The following MAST4 variants were observed in gnomAD, a reference collection of about 807,000 sequenced individuals.
MAST4 encodes the protein microtubule associated serine/threonine kinase family member 4.
Under a neutral mutation model 162.7 loss-of-function variants are expected in MAST4, and 89 were observed. That is an observed-to-expected ratio of 0.55 (90% CI 0.46 to 0.65). The LOEUF (loss-of-function observed/expected upper bound fraction) is 0.65. Among genes scored for constraint, MAST4 ranks in the 30% least tolerant of loss-of-function variants. The pLI is 0.00. For missense variants in MAST4, 3,153 were observed against 3,374.0 expected, an observed-to-expected ratio of 0.93 and a Z score of 1.62; for synonymous variants, 1,479 against 1,361.1, an observed-to-expected ratio of 1.09 and a Z score of -1.91.
chr5:66,617,749 G>A (rs745495274), intron 1 of MAST4, among the ~76,000 whole-genome samples: 1 of 152,040 alleles, frequency 6.6e-6, no homozygotes, highest in Non-Finnish European at 1.5e-5. Context: ...CCACCCCTCC[G>A]CATGGTACCC....
rs562503050 is a variant in MAST4, at chr5:66,611,784, A to AG, written c.363+14767dup. On this transcript the variant is annotated intron_variant, in intron 1 of 28. Coordinates refer to ENST00000403625, the MANE Select transcript of MAST4 (RefSeq NM_001164664.2). The stretch of plus-strand genomic sequence containing the variant: ...GAATTGTTAAAATACTGTTACCTGC[A>AG]GTTTTTAGAAATTTATTTTGACATT... 3.3e-5 allele frequency among the ~76,000 whole-genome samples: 5 copies of AG among 152,348 alleles called. No homozygotes were observed. The South Asian group carries it at 1.0e-3, about 32-fold the overall frequency.
In MAST4 at chr5:67,152,631, T is replaced by C. The variant is rs1771973009; in HGVS notation, c.3296-6T>C. The C allele has an allele frequency of 6.2e-7, 1 of 1,612,578 alleles. No individual in the cohort carries two copies. Among genetic ancestry groups the C allele is most frequent in the Non-Finnish European group, 8.5e-7 (1 of 1,178,700 alleles). Reference sequence around the variant, plus strand: ...TGGGCTTTGATGACTGGCTTCTTTGTTACAGATATGTTTGCTGTTTCCCCT... The same window carrying C: ...TGGGCTTTGATGACTGGCTTCTTTGCTACAGATATGTTTGCTGTTTCCCCT... On this transcript the variant is annotated splice_polypyrimidine_tract_variant and splice_region_variant and intron_variant, in intron 24 of 28. Coordinates refer to ENST00000403625, the MANE Select transcript of MAST4 (RefSeq NM_001164664.2).
intron 4 of MAST4, among the ~76,000 whole-genome samples, chr5:66,934,606 G>A (rs960772784): frequency 6.6e-6 from 1 of 151,924 alleles, no homozygotes; most frequent in Non-Finnish European, 1.5e-5. Context: ...GCAGTTTGAG[G>A]AAGACTGGCA....
intron 4 of MAST4, among the ~76,000 whole-genome samples, chr5:66,950,545 C>T (rs369736010): frequency 6.6e-5 from 10 of 152,202 alleles, no homozygotes; most frequent in African/African-American, 2.4e-4. Context: ...AATATTTGTC[C>T]TTTTGTGTCT....
At chr5:66,766,945 A>C (rs1754122328) in intron 2 of MAST4, among the ~76,000 whole-genome samples, 1 of 152,186 alleles carries the variant, frequency 6.6e-6, no homozygotes, top group Non-Finnish European at 1.5e-5. Flanking sequence ...GTTTGGGTTC[A>C]TAGGCAACTT....
In MAST4 at chr5:66,855,100, G is replaced by A. The variant is rs114833490; in HGVS notation, c.643-44851G>A. Among the ~76,000 whole-genome samples the A allele has an allele frequency of 8.1e-3, 1,231 of 152,246 alleles. 21 individuals carry two copies. Among genetic ancestry groups the A allele is most frequent in the African/African-American group, 0.028 (1,148 of 41,546 alleles). ...GATCTGTGGCCCTACCAAATCTCAC[G>A]TTGAAATGTAATCCCCAGCGTTGGA... On this transcript the variant is annotated intron_variant, in intron 3 of 28. Coordinates refer to ENST00000403625, the MANE Select transcript of MAST4 (RefSeq NM_001164664.2).
intron 4 of MAST4, chr5:67,005,112 A>G (rs760869903): frequency 2.7e-6 from 2 of 735,350 alleles, no homozygotes; most frequent in East Asian, 5.1e-5. Flanking sequence ...CTCTGCCTGG[A>G]GAGGGAATGC....
rs1743918552 is a variant in MAST4, at chr5:66,945,523, T to A, written c.674+45541T>A. 2.6e-5 allele frequency among the ~76,000 whole-genome samples: 4 copies of A among 151,950 alleles called. No individual in the cohort carries two copies. In the South Asian group the frequency reaches 6.2e-4, roughly 24 times the overall value. The stretch of plus-strand genomic sequence containing the variant: ...CTGTGCCCCATGAAGGTAACTGAGG[T>A]CTTACAGCTGCCTTTTGTGGGGACT... On this transcript the variant is annotated intron_variant, in intron 4 of 28. Coordinates refer to ENST00000403625, the MANE Select transcript of MAST4 (RefSeq NM_001164664.2).
chr5:66,849,903 G>C (rs1265036699), intron 3 of MAST4, among the ~76,000 whole-genome samples: 1 of 152,178 alleles, frequency 6.6e-6, no homozygotes, highest in East Asian at 1.9e-4. Flanking sequence ...GTGCACAATA[G>C]AGGAGACTCT....
At chr5:66,849,687 C>T (rs1242069589) in intron 3 of MAST4, among the ~76,000 whole-genome samples, 1 of 152,176 alleles carries the variant, frequency 6.6e-6, no homozygotes, top group Non-Finnish European at 1.5e-5. Flanking sequence ...GGTCTGTAAA[C>T]TTCTTAAGAT....
chr5:66,913,008 C>T (rs1763876413), intron 4 of MAST4, among the ~76,000 whole-genome samples: 1 of 152,150 alleles, frequency 6.6e-6, no homozygotes, highest in South Asian at 2.1e-4. Flanking sequence ...TCTAAAACTG[C>T]TTCTTTTCAT....
At chr5:66,602,025 A>G (rs1281429874) in intron 1 of MAST4, among the ~76,000 whole-genome samples, 1 of 152,226 alleles carries the variant, frequency 6.6e-6, no homozygotes, top group South Asian at 2.1e-4. Context: ...ATATGAATAC[A>G]TATGAAATAC....
chr5:66,650,066 C>T (rs1253252454), intron 1 of MAST4, among the ~76,000 whole-genome samples: 1 of 150,882 alleles, frequency 6.6e-6, no homozygotes, highest in African/African-American at 2.4e-5. Flanking sequence ...TTTCAGTCAA[C>T]CGTTGCCACA....
intron 1 of MAST4, among the ~76,000 whole-genome samples, chr5:66,647,729 A>T (rs1398381936): frequency 4.6e-5 from 7 of 152,086 alleles, no homozygotes; most frequent in African/African-American, 1.7e-4. Context: ...ATGCTCAATT[A>T]TATACTCACA....
intron 2 of MAST4, among the ~76,000 whole-genome samples, chr5:66,786,492 G>T (rs1755126273): frequency 6.6e-6 from 1 of 151,996 alleles, no homozygotes; most frequent in Non-Finnish European, 1.5e-5. Context: ...ACATAGGAGG[G>T]AGGAAAAAGT....
intron 3 of MAST4, chr5:66,828,763 G>A: frequency 6.4e-7 from 1 of 1,561,932 alleles, no homozygotes; most frequent in Non-Finnish European, 8.7e-7. Flanking sequence ...CAGCTGCCGG[G>A]CTCTGAATTA....
chr5:67,129,130 T>C (rs1734256547), intron 14 of MAST4, among the ~76,000 whole-genome samples: 1 of 152,142 alleles, frequency 6.6e-6, no homozygotes, highest in African/African-American at 2.4e-5. Flanking sequence ...GGTTGTAAAG[T>C]TCCCTGACAC....
At chr5:66,686,832 A>C (rs1356435581) in intron 1 of MAST4, among the ~76,000 whole-genome samples, 1 of 152,338 alleles carries the variant, frequency 6.6e-6, no homozygotes, top group Middle Eastern at 3.4e-3. Context: ...GGTATCATCA[A>C]ATACCTAAGT....
chr5:66,730,867 CA>C lies in MAST4; in HGVS notation c.364-28834del, dbSNP rs370778055. ...CATATACCAACCCCTCCCCCTCCCC[CA>C]AAAAAAATAGGGAAAAGAGTACTTT... On this transcript the variant is annotated intron_variant, in intron 1 of 28. Coordinates refer to ENST00000403625, the MANE Select transcript of MAST4 (RefSeq NM_001164664.2). Among the ~76,000 whole-genome samples, 134 of 150,992 alleles carry C rather than the reference CA, an allele frequency of 8.9e-4. 2 individuals are homozygous for C. The highest frequency in any genetic ancestry group is 2.9e-3 in the African/African-American group (118 of 41,160).
Sources: allele counts gnomAD v4.1 joint callset (sites outside exome capture counted in the v4.1 genomes callset), GRCh38; gene constraint gnomAD v4.1.1; transcripts MANE v1.5; gene names NCBI Gene and HGNC (gene_info 2026-07-23, HGNC 2026-07-21).